The following AFG1L variants were observed in gnomAD, a reference collection of about 807,000 sequenced individuals.
AFG1L encodes the protein AFG1 like ATPase.
A neutral mutation model predicts 62.2 loss-of-function variants in AFG1L; 53 were observed. That is an observed-to-expected ratio of 0.85 (90% CI 0.68 to 1.07). AFG1L has a LOEUF of 1.07. Ranked by LOEUF, AFG1L falls within the 50% of genes least tolerant of loss-of-function variation. The probability of loss-of-function intolerance (pLI) is 0.00; values close to 1 mark genes in which losing one functional copy is unlikely to be tolerated. For missense variants in AFG1L, 555 were observed against 590.5 expected, an observed-to-expected ratio of 0.94 and a Z score of 0.62; for synonymous variants, 228 against 210.3, an observed-to-expected ratio of 1.08 and a Z score of -0.73.
chr6:108,371,777 G>A (rs1780018586), intron 6 of AFG1L, among the ~76,000 whole-genome samples: 1 of 151,854 alleles, frequency 6.6e-6, no homozygotes, highest in Non-Finnish European at 1.5e-5. Context: ...TTTATTTTTA[G>A]AGACAGAGTC....
In AFG1L at chr6:108,519,796, TTGGGGC is replaced by T; in HGVS notation, c.1306_1311del (p.Gly436_Leu437del). 1 of 1,606,140 alleles carries T rather than the reference TTGGGGC, an allele frequency of 6.2e-7. No homozygotes were observed. The highest frequency in any genetic ancestry group is 8.5e-7 in the Non-Finnish European group (1 of 1,176,796). On this transcript the variant is annotated inframe_deletion, in exon 12 of 13. Coordinates refer to ENST00000368977, the MANE Select transcript of AFG1L (RefSeq NM_145315.5). ...GCAAAGCAGAATACTGATGGATGAT[TTGGGGC>T]TGAGCCAGGTAGGCGATATTAACAT...
chr6:108,446,495 T>C (rs1248835383), intron 7 of AFG1L, among the ~76,000 whole-genome samples: 1 of 144,236 alleles, frequency 6.9e-6, no homozygotes, highest in East Asian at 2.0e-4. Context: ...CTCTCTCTTT[T>C]TTTTTTTTTT....
chr6:108,344,651 G>C, intron 2 of AFG1L: 1 of 463,002 alleles, frequency 2.2e-6, no homozygotes, highest in South Asian at 1.6e-5. Flanking sequence ...TAGGTTTTGA[G>C]AATGTTCTCT....
intron 7 of AFG1L, among the ~76,000 whole-genome samples, chr6:108,410,456 A>C (rs998145822): frequency 2.0e-5 from 3 of 152,166 alleles, no homozygotes; most frequent in Non-Finnish European, 4.4e-5. Flanking sequence ...AGATACTAGA[A>C]GAGAAGAGAA....
chr6:108,389,198 A>G (rs887592597), intron 6 of AFG1L, among the ~76,000 whole-genome samples: 33 of 151,932 alleles, frequency 2.2e-4, no homozygotes, highest in Admixed American at 1.3e-4. Context: ...TAGGATTGCA[A>G]CCCCTGCCTT....
intron 6 of AFG1L, among the ~76,000 whole-genome samples, chr6:108,401,292 G>A (rs1033100479): frequency 2.6e-5 from 4 of 151,694 alleles, no homozygotes; most frequent in African/African-American, 7.3e-5. Context: ...AGAGGCGCCC[G>A]CCACCGCGCC....
intron 3 of AFG1L, among the ~76,000 whole-genome samples, chr6:108,353,046 T>C (rs1034425950): frequency 1.3e-5 from 2 of 152,232 alleles, no homozygotes; most frequent in Non-Finnish European, 2.9e-5. Flanking sequence ...TGAATAATTC[T>C]GCTGTGAATA....
At chr6:108,371,783 G>A (rs1780018729) in intron 6 of AFG1L, among the ~76,000 whole-genome samples, 1 of 152,120 alleles carries the variant, frequency 6.6e-6, no homozygotes, top group African/African-American at 2.4e-5. Flanking sequence ...TTTAGAGACA[G>A]AGTCTTACTC....
chr6:108,354,521 T>C (rs1471562073), intron 3 of AFG1L, among the ~76,000 whole-genome samples: 2 of 152,060 alleles, frequency 1.3e-5, no homozygotes, highest in Non-Finnish European at 2.9e-5. Flanking sequence ...ACCAGGCCTG[T>C]CTCAAACTCC....
At chr6:108,326,456 ACTC>A (rs1438604647) in intron 2 of AFG1L, among the ~76,000 whole-genome samples, 5 of 150,804 alleles carry the variant, frequency 3.3e-5, no homozygotes, top group African/African-American at 1.2e-4. Context: ...CAACAGGAAA[ACTC>A]CTGTTCCTTA....
At chr6:108,395,731 T>A (rs1359770644) in intron 6 of AFG1L, among the ~76,000 whole-genome samples, 1 of 147,416 alleles carries the variant, frequency 6.8e-6, no homozygotes, top group Non-Finnish European at 1.5e-5. Context: ...CATAAAATTT[T>A]AAAAATCTCA....
At chr6:108,519,551 C>T in intron 11 of AFG1L, 146 bp from the exon 12 acceptor site, 1 of 560,684 alleles carries the variant, frequency 1.8e-6, no homozygotes, top group Non-Finnish European at 3.2e-6. Flanking sequence ...AAGAGATAAA[C>T]AATTAGGGAA....
chr6:108,314,883 A>AGGCTAGAG (rs1298008546), intron 1 of AFG1L, among the ~76,000 whole-genome samples: 1 of 151,898 alleles, frequency 6.6e-6, no homozygotes, highest in Non-Finnish European at 1.5e-5. Context: ...GCTCTCACCC[A>AGGCTAGAG]GGCTAGAGTG....
At chr6:108,516,224 C>G (rs1243183018) in intron 11 of AFG1L, among the ~76,000 whole-genome samples, 1 of 152,184 alleles carries the variant, frequency 6.6e-6, no homozygotes, top group Non-Finnish European at 1.5e-5. Context: ...ACCAATATCC[C>G]TGATGAACAT....
At chr6:108,486,090 GA>G (rs1357371595) in intron 10 of AFG1L, among the ~76,000 whole-genome samples, 1 of 152,134 alleles carries the variant, frequency 6.6e-6, no homozygotes, top group African/African-American at 2.4e-5. Context: ...TCTCTAAACA[GA>G]AGACCTGTAT....
chr6:108,399,181 T>G (rs1385594218), intron 6 of AFG1L, among the ~76,000 whole-genome samples: 7 of 15,398 alleles, frequency 4.5e-4, no homozygotes, highest in Non-Finnish European at 1.6e-3. Context: ...TTTGTTTGTT[T>G]TTTTTTTTTT....
intron 7 of AFG1L, among the ~76,000 whole-genome samples, chr6:108,440,161 T>G (rs1467580654): frequency 2.0e-5 from 3 of 152,154 alleles, no homozygotes; most frequent in Non-Finnish European, 4.4e-5. Flanking sequence ...GATCACTTTT[T>G]CAGTTCAAAA....
intron 7 of AFG1L, among the ~76,000 whole-genome samples, chr6:108,445,770 A>G (rs1257446256): frequency 1.3e-5 from 2 of 152,084 alleles, no homozygotes; most frequent in Non-Finnish European, 2.9e-5. Flanking sequence ...TGGTACCCTA[A>G]AACAATTACA....
intron 1 of AFG1L, among the ~76,000 whole-genome samples, chr6:108,297,171 A>G (rs1297019715): frequency 2.6e-5 from 4 of 152,098 alleles, no homozygotes; most frequent in Non-Finnish European, 1.5e-5. Flanking sequence ...CAATGGTACA[A>G]TCTCGGCTCA....
Sources: gnomAD v4.1 joint callset for allele counts (sites outside exome capture counted in the v4.1 genomes callset) on GRCh38, gnomAD v4.1.1 for gene constraint, MANE v1.5 for transcripts, NCBI Gene and HGNC (gene_info 2026-07-23, HGNC 2026-07-21) for gene names.